Variants in VAV3 observed in about 807,000 individuals in gnomAD.
VAV3 encodes guanine nucleotide exchange factor VAV3.
VAV3 carries 94 observed loss-of-function variants against 131.2 expected under a neutral mutation model. The ratio of observed to expected loss-of-function variants is 0.72; its 90% CI spans 0.61 to 0.85. VAV3 has a LOEUF of 0.85. VAV3 is among the 40% of genes least tolerant of loss of function. VAV3 has a pLI of 0.00. For missense variants in VAV3, 939 were observed against 1,002.7 expected (o/e 0.94, Z 0.86); for synonymous variants, 349 against 342.0 (o/e 1.02, Z -0.22).
intron 15 of VAV3, among the ~76,000 whole-genome samples, chr1:107,706,023 G>A (rs756516820): frequency 1.2e-4 from 18 of 152,058 alleles, no homozygotes; most frequent in Non-Finnish European, 2.4e-4. Context: ...AGCTATTTAG[G>A]TTGCTGCAAA....
intron 1 of VAV3, among the ~76,000 whole-genome samples, chr1:107,933,442 T>C (rs541985096): frequency 6.6e-6 from 1 of 152,270 alleles, no homozygotes; most frequent in Non-Finnish European, 1.5e-5. Flanking sequence ...CTACATTAAT[T>C]AGCTCACTTC....
intron 1 of VAV3, among the ~76,000 whole-genome samples, chr1:107,892,305 T>A (rs1671346752): frequency 6.6e-6 from 1 of 152,202 alleles, no homozygotes; most frequent in Non-Finnish European, 1.5e-5. Flanking sequence ...ATTTCATTCA[T>A]TAAGCACTGA....
intron 9 of VAV3, among the ~76,000 whole-genome samples, chr1:107,761,718 T>C (rs955633273): frequency 7.9e-5 from 12 of 152,216 alleles, no homozygotes; most frequent in African/African-American, 2.7e-4. Context: ...TCTCTCTCTG[T>C]CTTGTGGGTC....
intron 19 of VAV3, among the ~76,000 whole-genome samples, chr1:107,645,593 T>C (rs967402441): frequency 6.6e-5 from 10 of 152,078 alleles, no homozygotes; most frequent in African/African-American, 2.2e-4. Flanking sequence ...AAGGCACCAT[T>C]ACATTGCTAA....
At chr1:107,793,032 TAA>T (rs1666369568) in intron 2 of VAV3, among the ~76,000 whole-genome samples, 1 of 152,146 alleles carries the variant, frequency 6.6e-6, no homozygotes, top group Non-Finnish European at 1.5e-5. Flanking sequence ...TGACGATAAA[TAA>T]GTGTCATTAT....
chr1:107,927,956 T>C (rs1432937191), intron 1 of VAV3, among the ~76,000 whole-genome samples: 2 of 152,002 alleles, frequency 1.3e-5, no homozygotes, highest in Non-Finnish European at 2.9e-5. Context: ...GTGGTTACAG[T>C]GGGTCTTAAG....
chr1:107,742,848 G>A (rs1663104484), intron 15 of VAV3, among the ~76,000 whole-genome samples: 1 of 152,138 alleles, frequency 6.6e-6, no homozygotes, highest in South Asian at 2.1e-4. Flanking sequence ...TTTTTGTCTG[G>A]CAATATAAAT....
At chr1:107,718,635 A>G (rs1248193200) in intron 15 of VAV3, among the ~76,000 whole-genome samples, 1 of 152,222 alleles carries the variant, frequency 6.6e-6, no homozygotes, top group Admixed American at 6.5e-5. Context: ...ATACTGCCCA[A>G]GGTAATTTAT....
chr1:107,578,669 C>T (rs1216542909), intron 25 of VAV3: 1 of 488,418 alleles, frequency 2.0e-6, no homozygotes, highest in Non-Finnish European at 2.7e-6. Context: ...AGTGCAGTTA[C>T]ACGATCTCGG....
chr1:107,668,625 C>G, intron 19 of VAV3: 3 of 985,240 alleles, frequency 3.0e-6, no homozygotes, highest in Non-Finnish European at 3.6e-6. Context: ...AAGAGATTAG[C>G]AAACCATCAA....
At position 107,705,192 on chromosome 1, in the gene VAV3, T is replaced by G. The variant is rs574368721; in HGVS notation, c.1503-131A>C. 1.7e-5 allele frequency: 12 copies of G among 710,782 alleles called. No individual in the cohort carries two copies. In the East Asian group the frequency reaches 2.7e-4, roughly 16 times the overall value. The allele number at this position is 710,782 out of a possible 1,614,324, so 44.0% of individuals were successfully genotyped here. A position where few individuals can be genotyped will look rare whatever the true frequency, so the allele number is the denominator to read the frequency against. On this transcript the variant is annotated intron_variant, in intron 15 of 26. Coordinates refer to ENST00000370056, the MANE Select transcript of VAV3 (RefSeq NM_006113.5). ...ATTCAAGCAAAATGACTACTAAATG[T>G]GCAATGTTTTCTAAGCCAAAAGTAT...
intron 24 of VAV3, among the ~76,000 whole-genome samples, chr1:107,597,254 A>G (rs2101076668): frequency 6.6e-6 from 1 of 151,512 alleles, no homozygotes; most frequent in South Asian, 2.1e-4. Flanking sequence ...AAAAAAAACC[A>G]CTTGTTTCTT....
intron 2 of VAV3, among the ~76,000 whole-genome samples, chr1:107,851,737 G>A (rs1046651766): frequency 2.6e-5 from 4 of 152,096 alleles, no homozygotes; most frequent in African/African-American, 9.7e-5. Context: ...TTTTTAAGAT[G>A]CATCTAATGT....
At chr1:107,964,414 C>T (rs1460102586) in intron 1 of VAV3, 3 of 421,426 alleles carry the variant, frequency 7.1e-6, no homozygotes, top group Admixed American at 3.9e-5. Context: ...TTCTTTCCCG[C>T]CTCACAGAAA....
chr1:107,948,514 A>T (rs1216769303), intron 1 of VAV3, among the ~76,000 whole-genome samples: 1 of 152,200 alleles, frequency 6.6e-6, no homozygotes, highest in East Asian at 1.9e-4. Context: ...TATCTGTAAC[A>T]ATTTTTTCAG....
At chr1:107,856,833 TC>T (rs1226475367) in intron 2 of VAV3, among the ~76,000 whole-genome samples, 1 of 152,110 alleles carries the variant, frequency 6.6e-6, no homozygotes, top group Non-Finnish European at 1.5e-5. Context: ...GCACAGGAGT[TC>T]AAGACCAACC....
intron 1 of VAV3, among the ~76,000 whole-genome samples, chr1:107,921,818 T>C (rs2101156702): frequency 6.6e-6 from 1 of 152,346 alleles, no homozygotes; most frequent in African/African-American, 2.4e-5. Flanking sequence ...AAATATATCG[T>C]TTTGATTTTC....
chr1:107,927,851 A>G (rs559251130), intron 1 of VAV3, among the ~76,000 whole-genome samples: 67 of 152,280 alleles, frequency 4.4e-4, no homozygotes, highest in African/African-American at 1.5e-3. Context: ...GCCTGGGGGA[A>G]CTTGCTGCCC....
chr1:107,721,987 T>C (rs372589874), intron 15 of VAV3, among the ~76,000 whole-genome samples: 38 of 152,322 alleles, frequency 2.5e-4, no homozygotes, highest in African/African-American at 9.1e-4. Flanking sequence ...TGAAGGCAAG[T>C]ATTAATGGAG....
Sources: gnomAD v4.1 joint callset for allele counts (sites outside exome capture counted in the v4.1 genomes callset) on GRCh38, gnomAD v4.1.1 for gene constraint, MANE v1.5 for transcripts, NCBI Gene and HGNC (gene_info 2026-07-23, HGNC 2026-07-21) for gene names.